The following DNAJC1 variants were observed in gnomAD, a reference collection of about 807,000 sequenced individuals.
The protein encoded by DNAJC1 is DnaJ heat shock protein family (Hsp40) member C1.
A neutral mutation model predicts 76.6 loss-of-function variants in DNAJC1; 58 were observed. The observed-to-expected ratio is 0.76, with a 90% CI of 0.61 to 0.94. DNAJC1 has a LOEUF of 0.94. DNAJC1 is among the 40% of genes least tolerant of loss of function. The pLI, the probability that DNAJC1 is intolerant of heterozygous loss-of-function variation, is 0.00. For missense variants in DNAJC1, 689 were observed against 677.3 expected, an observed-to-expected ratio of 1.02 and a Z score of -0.19; for synonymous variants, 258 against 267.9, an observed-to-expected ratio of 0.96 and a Z score of 0.36.
chr10:21,938,448 G>T (rs1035981681), intron 1 of DNAJC1, among the ~76,000 whole-genome samples: 8 of 151,680 alleles, frequency 5.3e-5, no homozygotes, highest in African/African-American at 1.9e-4. Flanking sequence ...TCTGCCTTAG[G>T]TGACTCAAGC....
At chr10:21,821,344 TG>T (rs1448606434) in intron 8 of DNAJC1, among the ~76,000 whole-genome samples, 4 of 152,182 alleles carry the variant, frequency 2.6e-5, no homozygotes, top group Non-Finnish European at 4.4e-5. Context: ...ATATATACAG[TG>T]GTATATAGTT....
intron 8 of DNAJC1, among the ~76,000 whole-genome samples, chr10:21,847,800 T>C (rs1247581763): frequency 1.3e-5 from 2 of 152,178 alleles, no homozygotes; most frequent in South Asian, 2.1e-4. Context: ...TGATATTCCA[T>C]TGAGTGTGTG....
At chr10:21,820,921 A>G (rs1231416056) in intron 8 of DNAJC1, among the ~76,000 whole-genome samples, 1 of 152,028 alleles carries the variant, frequency 6.6e-6, no homozygotes. Flanking sequence ...CCCTCCAGGA[A>G]CCTCCACACG....
chr10:21,957,090 C>T (rs1473011816), intron 1 of DNAJC1, among the ~76,000 whole-genome samples: 5 of 151,914 alleles, frequency 3.3e-5, no homozygotes, highest in African/African-American at 4.8e-5. Flanking sequence ...CAGGGTTTCA[C>T]CATCTTGGCC....
intron 8 of DNAJC1, among the ~76,000 whole-genome samples, chr10:21,875,947 A>G (rs1447860809): frequency 2.0e-5 from 3 of 152,040 alleles, no homozygotes; most frequent in Non-Finnish European, 4.4e-5. Flanking sequence ...AAAATTTAAC[A>G]AGGTTGTTAG....
In DNAJC1 at chr10:21,809,272, T is replaced by A. The variant is rs45599334; in HGVS notation, c.979-3173A>T. ...AAATTAAAAAAAATTTTTAATGTAC[T>A]TGTTTATTGTATTTTTATACTTTAA... On this transcript the variant is annotated intron_variant, in intron 8 of 11. Transcript: ENST00000376980. Among the ~76,000 whole-genome samples the A allele has an allele frequency of 7.5e-3, 1,147 of 152,154 alleles. 8 individuals carry two copies. The highest frequency in any genetic ancestry group is 0.014 in the Middle Eastern group (4 of 294).
intron 9 of DNAJC1, among the ~76,000 whole-genome samples, chr10:21,772,917 T>C (rs1834405188): frequency 6.6e-6 from 1 of 151,956 alleles, no homozygotes; most frequent in Non-Finnish European, 1.5e-5. Context: ...GAAGGCAAAC[T>C]AGGAGGCAGC....
At chr10:21,778,956 C>T (rs559314217) in intron 9 of DNAJC1, among the ~76,000 whole-genome samples, 5 of 152,380 alleles carry the variant, frequency 3.3e-5, no homozygotes, top group Admixed American at 6.5e-5. Context: ...ATATTCCACA[C>T]CTGGCTTGGA....
At chr10:21,930,124 C>A (rs140417972) in intron 1 of DNAJC1, among the ~76,000 whole-genome samples, 3 of 152,114 alleles carry the variant, frequency 2.0e-5, no homozygotes, top group Non-Finnish European at 1.5e-5. Context: ...TATAGGCATG[C>A]GCCACCACAC....
chr10:21,992,454 GA>G (rs1365564282), intron 1 of DNAJC1, among the ~76,000 whole-genome samples: 1 of 152,154 alleles, frequency 6.6e-6, no homozygotes, highest in Non-Finnish European at 1.5e-5. Context: ...TAGGGAGGCT[GA>G]GGCAGGAGAA....
intron 1 of DNAJC1, among the ~76,000 whole-genome samples, chr10:21,983,617 A>T (rs1838192026): frequency 6.6e-6 from 1 of 151,218 alleles, no homozygotes; most frequent in Non-Finnish European, 1.5e-5. Flanking sequence ...GCTACTGGGG[A>T]GGCTGAGGCA....
chr10:21,921,759 A>T (rs142077614), intron 3 of DNAJC1, among the ~76,000 whole-genome samples: 11 of 152,174 alleles, frequency 7.2e-5, no homozygotes, highest in African/African-American at 2.4e-4. Context: ...TACTATCAGG[A>T]TAAAAAAGTT....
intron 7 of DNAJC1, among the ~76,000 whole-genome samples, chr10:21,895,188 T>C (rs527673879): frequency 6.6e-6 from 1 of 152,340 alleles, no homozygotes; most frequent in Non-Finnish European, 1.5e-5. Flanking sequence ...GCATTAAGCA[T>C]GTTTCCAGTG....
chr10:21,980,212 A>G (rs1838132902), intron 1 of DNAJC1, among the ~76,000 whole-genome samples: 1 of 152,090 alleles, frequency 6.6e-6, no homozygotes, highest in African/African-American at 2.4e-5. Context: ...ATACACACAT[A>G]TATTTCCTAG....
chr10:21,951,037 TA>T (rs990700023), intron 1 of DNAJC1, among the ~76,000 whole-genome samples: 8 of 149,982 alleles, frequency 5.3e-5, no homozygotes, highest in African/African-American at 9.8e-5. Context: ...CCAGATAGAT[TA>T]AAAAAAAAAG....
At chr10:21,760,219 G>C (rs1377952132) in intron 10 of DNAJC1, among the ~76,000 whole-genome samples, 2 of 152,292 alleles carry the variant, frequency 1.3e-5, no homozygotes, top group African/African-American at 2.4e-5. Context: ...GGAGTTTGAG[G>C]CTGCAGTCAG....
chr10:21,920,842 C>T lies in DNAJC1; in HGVS notation c.493G>A (p.Gly165Ser), dbSNP rs1374673041. ...ATTGACCAAACCACAGCATAATGACCCACTGTGAGAATAATGAACAAGAGT... is the reference window on the plus strand; with the variant it reads ...ATTGACCAAACCACAGCATAATGACTCACTGTGAGAATAATGAACAAGAGT... ...ALLLFIILTV[G>S]HYAVVWSIYL... is the part of the protein sequence containing the mutation. The change falls in exon 4 of 12, where the codon GGT becomes AGT. Residue 165 changes from glycine (G) to serine (S), a missense_variant. Physicochemically the swap from Gly to Ser is moderately conservative, Grantham distance 56. Coordinates refer to ENST00000376980, the MANE Select transcript of DNAJC1 (RefSeq NM_022365.4). 6.2e-7 allele frequency: 1 copy of T among 1,612,626 alleles called. No homozygotes were observed. Among genetic ancestry groups the T allele is most frequent in the Non-Finnish European group, 8.5e-7 (1 of 1,179,162 alleles).
At chr10:21,786,913 A>G (rs1368956116) in intron 9 of DNAJC1, among the ~76,000 whole-genome samples, 1 of 152,212 alleles carries the variant, frequency 6.6e-6, no homozygotes, top group Non-Finnish European at 1.5e-5. Context: ...TTTATATTTT[A>G]CAATAAAGGA....
Position 22,003,487 on chromosome 10 carries a change from G to C in DNAJC1, c.-53C>G. 3.1e-6 allele frequency: 4 copies of C among 1,308,942 alleles called. No individual in the cohort carries two copies. The highest frequency in any genetic ancestry group is 3.9e-6 in the Non-Finnish European group (4 of 1,035,254). The allele number at this position is 1,308,942 out of a possible 1,614,324, so 81.1% of individuals were successfully genotyped here. A position where few individuals can be genotyped will look rare whatever the true frequency, so the allele number is the denominator to read the frequency against. On this transcript the variant is annotated 5_prime_UTR_variant, in exon 1 of 12. Coordinates refer to ENST00000376980, the MANE Select transcript of DNAJC1 (RefSeq NM_022365.4). Reference sequence around the variant, plus strand: ...CGCGCAGCTCCGTTGGCCGAGAGCTGGGACGTGGCGGGCGGCGCTGGCTGT... The same window carrying C: ...CGCGCAGCTCCGTTGGCCGAGAGCTCGGACGTGGCGGGCGGCGCTGGCTGT...
Sources: allele counts gnomAD v4.1 joint callset (sites outside exome capture counted in the v4.1 genomes callset), GRCh38; gene constraint gnomAD v4.1.1; transcripts MANE v1.5; gene names NCBI Gene and HGNC (gene_info 2026-07-23, HGNC 2026-07-21).